Variants in GARS1 observed in about 807,000 individuals in gnomAD.
The protein encoded by GARS1 is glycine--tRNA ligase.
A neutral mutation model predicts 86.4 loss-of-function variants in GARS1; 46 were observed. The observed-to-expected ratio is 0.53, with a 90% CI of 0.42 to 0.68. The LOEUF is 0.68. Ranked by LOEUF, GARS1 falls within the 30% of genes least tolerant of loss-of-function variation. GARS1 has a pLI of 0.00. For synonymous variants in GARS1, 342 were observed against 329.8 expected, an observed-to-expected ratio of 1.04 and a Z score of -0.40; for missense variants, 797 against 915.6, an observed-to-expected ratio of 0.87 and a Z score of 1.67.
chr7:30,601,072 G>A lies in GARS1; in HGVS notation c.441G>A (p.Leu147=), dbSNP rs1409701437. Residue 147 remains leucine (L), a synonymous_variant, in exon 4 of 17, where the codon CTG becomes CTA. Transcript: ENST00000389266. ...CATATTCTATAGGTGTTAGTGGTCT[G>A]TATGACTTTGGGCCAGTTGGCTGTG... ...AFAIYGGVSG[L]YDFGPVGCAL... 3 of 1,613,880 alleles carry A rather than the reference G, an allele frequency of 1.9e-6. No homozygotes were observed. The highest frequency in any genetic ancestry group is 1.7e-6 in the Non-Finnish European group (2 of 1,179,898).
intron 6 of GARS1, among the ~76,000 whole-genome samples, chr7:30,608,568 A>G (rs1420962968): frequency 2.6e-5 from 4 of 152,212 alleles, no homozygotes; most frequent in South Asian, 2.1e-4. Flanking sequence ...TAAATTGCAC[A>G]TTCAAATCTG....
intron 1 of GARS1, 150 bp downstream of exon 1, chr7:30,595,293 A>C: frequency 2.5e-6 from 2 of 806,464 alleles, no homozygotes; most frequent in Non-Finnish European, 4.0e-6. Flanking sequence ...CGCCTCCCCC[A>C]CTTTGGTCCC....
At chr7:30,602,954 A>T in intron 4 of GARS1, 80 bp from the exon 5 acceptor site, 1 of 949,608 alleles carries the variant, frequency 1.1e-6, no homozygotes, top group South Asian at 1.3e-5. Flanking sequence ...ATAAATATTG[A>T]TGGGGAATTA....
At chr7:30,609,957 GTC>G (rs977146372) in intron 7 of GARS1, among the ~76,000 whole-genome samples, 2 of 152,092 alleles carry the variant, frequency 1.3e-5, no homozygotes, top group African/African-American at 4.8e-5. Flanking sequence ...ATAAAATAAA[GTC>G]TCTGATCACT....
At chr7:30,610,297 A>T (rs1440594304) in intron 7 of GARS1, among the ~76,000 whole-genome samples, 2 of 152,232 alleles carry the variant, frequency 1.3e-5, no homozygotes, top group African/African-American at 4.8e-5. Flanking sequence ...TAGCCTGTTG[A>T]TTTGAAAGAT....
intron 14 of GARS1, among the ~76,000 whole-genome samples, chr7:30,629,099 G>A (rs1254345645): frequency 6.6e-6 from 1 of 152,128 alleles, no homozygotes; most frequent in African/African-American, 2.4e-5. Context: ...GAAATTGTCT[G>A]GGGTACTTTT....
intron 6 of GARS1, among the ~76,000 whole-genome samples, chr7:30,607,845 A>G (rs1318256308): frequency 1.3e-5 from 2 of 152,134 alleles, no homozygotes; most frequent in Non-Finnish European, 2.9e-5. Flanking sequence ...GCAGTTTTTA[A>G]CTTAAAACAA....
chr7:30,604,911 G>A (rs894805456), intron 6 of GARS1, among the ~76,000 whole-genome samples: 3 of 152,160 alleles, frequency 2.0e-5, no homozygotes, highest in Non-Finnish European at 4.4e-5. Context: ...TTCCAAGTAC[G>A]TTGTCAGAGT....
chr7:30,623,023 C>A (rs1584045410), intron 12 of GARS1, among the ~76,000 whole-genome samples: 1 of 151,534 alleles, frequency 6.6e-6, no homozygotes, highest in East Asian at 1.9e-4. Context: ...ATGGCGTGAA[C>A]CTGGGAGGCG....
rs1783244987 is a variant in GARS1 at position 30,632,078 on chromosome 7, CA to C, written c.1904-167del. 1 of 687,304 alleles carries C rather than the reference CA, an allele frequency of 1.5e-6. No individual in the cohort carries two copies. The highest frequency in any genetic ancestry group is 1.7e-5 in the South Asian group (1 of 58,916). The allele number at this position is 687,304 out of a possible 1,614,324, so 42.6% of individuals were successfully genotyped here. Reference sequence around the variant, plus strand: ...GTATGAGTGAAGATTTGGATTCCCGCAAGGGATTTATTAAACTTTAGGGATA... The same window carrying C: ...GTATGAGTGAAGATTTGGATTCCCGCAGGGATTTATTAAACTTTAGGGATA... On this transcript the variant is annotated intron_variant, in intron 15 of 16. Coordinates refer to ENST00000389266, the MANE Select transcript of GARS1 (RefSeq NM_002047.4). The surrounding 1 kb of genome is among the most constrained non-coding windows in gnomAD (Gnocchi z 4.1).
Position 30,603,484 on chromosome 7 carries a change from C to G in GARS1, c.659-12C>G. On this transcript the variant is annotated splice_polypyrimidine_tract_variant and intron_variant, in intron 5 of 16. Transcript: ENST00000389266. ...TCCCATTGATTGATATATGTCAACA[C>G]TGTTCTTACAGCTCATTTACAGAAA... 6.2e-7 allele frequency: 1 copy of G among 1,606,988 alleles called. No individual in the cohort carries two copies. The highest frequency in any genetic ancestry group is 8.5e-7 in the Non-Finnish European group (1 of 1,174,080).
At chr7:30,619,386 A>G (rs1782952309) in intron 10 of GARS1, among the ~76,000 whole-genome samples, 2 of 152,170 alleles carry the variant, frequency 1.3e-5, no homozygotes, top group Non-Finnish European at 2.9e-5. Context: ...TGTACTTTAT[A>G]TATTTTTTTA....
chr7:30,599,783 G>A (rs192876128), intron 2 of GARS1, among the ~76,000 whole-genome samples, 164 bp from the exon 3 acceptor site: 106 of 151,786 alleles, frequency 7.0e-4, no homozygotes, highest in South Asian at 4.6e-3. Flanking sequence ...TTACTCAAAG[G>A]GAAAAAAAGA....
chr7:30,609,669 C>T lies in GARS1; in HGVS notation c.820C>T (p.Pro274Ser), dbSNP rs1258582914. The T allele has an allele frequency of 1.2e-6, 2 of 1,612,466 alleles. No individual in the cohort carries two copies. The highest frequency in any genetic ancestry group is 1.7e-6 in the Non-Finnish European group (2 of 1,178,610). ...TCCCATTACTGGAAATGATCTATCC[C>T]CTCCAGTGTCTTTTAACTTAATGTT... ...KSPITGNDLS[P>S]PVSFNLMFKT... Residue 274 changes from proline (P) to serine (S), a missense_variant, in exon 7 of 17, where the codon CCT becomes TCT. Transcript: ENST00000389266.
At chr7:30,595,237 C>T (rs1052045624) in intron 1 of GARS1, 94 bp downstream of exon 1, 3 of 1,173,320 alleles carry the variant, frequency 2.6e-6, no homozygotes, top group South Asian at 1.3e-5. Context: ...AACTGTCCTC[C>T]TCTTCGGTTA....
In GARS1 at chr7:30,603,584, A is replaced by C; in HGVS notation, c.735+12A>C. ...GTGTTTTGGCCCAGGTGAGTACTCT[A>C]GAGATGTTATCAGAGTAACCTAGGT... is the stretch of plus-strand genomic sequence containing the variant. On this transcript the variant is annotated intron_variant, in intron 6 of 16. Transcript: ENST00000389266. The C allele has an allele frequency of 2.5e-6, 4 of 1,589,878 alleles. No homozygotes were observed. Among genetic ancestry groups the C allele is most frequent in the African/African-American group, 1.3e-5 (1 of 74,558 alleles).
intron 4 of GARS1, 140 bp downstream of exon 4, chr7:30,601,340 CAAAG>C (rs1791373550): frequency 6.7e-6 from 5 of 747,506 alleles, no homozygotes; most frequent in Non-Finnish European, 1.0e-5. Context: ...TATGGAAAAG[CAAAG>C]AAATGTATAC....
chr7:30,616,126 A>G (rs182010065), intron 9 of GARS1, 68 bp downstream of exon 9: 71 of 1,525,946 alleles, frequency 4.7e-5, no homozygotes, highest in Middle Eastern at 1.9e-4. Context: ...AGCAAATTCT[A>G]TGTGTTCTGG....
At chr7:30,625,235 C>G (rs1260143505) in intron 12 of GARS1, among the ~76,000 whole-genome samples, 1 of 152,152 alleles carries the variant, frequency 6.6e-6, no homozygotes, top group East Asian at 1.9e-4. Flanking sequence ...TGAGCCACCT[C>G]GCCTGACCCA....
Sources: gnomAD v4.1 joint callset for allele counts (sites outside exome capture counted in the v4.1 genomes callset) on GRCh38, gnomAD v4.1.1 for gene constraint, Gnocchi (gnomAD v3.1) non-coding constraint, MANE v1.5 for transcripts, NCBI Gene and HGNC (gene_info 2026-07-23, HGNC 2026-07-21) for gene names.